RBPJ: variants seen among roughly 807,000 people sequenced by gnomAD.
RBPJ encodes the protein recombination signal binding protein for immunoglobulin kappa J region, also known as recombining binding protein suppressor of hairless.
RBPJ carries 9 observed loss-of-function variants against 67.8 expected under a neutral mutation model. The observed-to-expected ratio is 0.13, with a 90% confidence interval of 0.08 to 0.23. RBPJ has a LOEUF of 0.23. Among genes scored for constraint, RBPJ ranks in the 10% least tolerant of loss-of-function variants. The probability of loss-of-function intolerance (pLI) is 1.00; values close to 1 mark genes in which losing one functional copy is unlikely to be tolerated. For synonymous variants in RBPJ, 198 were observed against 203.3 expected, an observed-to-expected ratio of 0.97 and a Z score of 0.22; for missense variants, 305 against 595.6, an observed-to-expected ratio of 0.51 and a Z score of 5.08.
chr4:26,169,638 A>T (rs571598792), intron 1 of RBPJ, among the ~76,000 whole-genome samples: 2 of 152,314 alleles, frequency 1.3e-5, no homozygotes, highest in Non-Finnish European at 2.9e-5. Context: ...TGCAGAGGTT[A>T]CTGCTGTCTT....
At chr4:26,166,095 A>C (rs1375363701) in intron 1 of RBPJ, among the ~76,000 whole-genome samples, 3 of 146,548 alleles carry the variant, frequency 2.0e-5, no homozygotes, top group Non-Finnish European at 4.5e-5. Context: ...TATGTGCCAC[A>C]TTTTCTTAAT....
chr4:26,361,551 T>C (rs1392068714), intron 1 of RBPJ, among the ~76,000 whole-genome samples: 2 of 152,094 alleles, frequency 1.3e-5, no homozygotes, highest in Admixed American at 1.3e-4. Flanking sequence ...GCTGTTTTCA[T>C]CTACGTCTTT....
At chr4:26,142,462 C>A in the RBPJ span, among the ~76,000 whole-genome samples, 2 of 152,076 alleles carry the variant, frequency 1.3e-5, no homozygotes, top group Non-Finnish European at 2.9e-5. Context: ...AGGAAGGTGG[C>A]GGCTTAACAG....
chr4:26,345,539 A>G (rs1003476402), intron 1 of RBPJ, among the ~76,000 whole-genome samples: 2 of 152,220 alleles, frequency 1.3e-5, no homozygotes, highest in Non-Finnish European at 2.9e-5. Flanking sequence ...ACAGAATATG[A>G]TGTAAATATT....
Position 26,432,294 on chromosome 4 carries a change from A to G in RBPJ, c.*1287A>G, listed in dbSNP as rs762848010. 1 of 152,246 alleles carries G rather than the reference A, an allele frequency of 6.6e-6. No individual in the cohort carries two copies. Among genetic ancestry groups the G allele is most frequent in the East Asian group, 1.9e-4 (1 of 5,204 alleles). The allele number at this position is 152,246 out of a possible 1,614,324, so 9.4% of individuals were successfully genotyped here. On this transcript the variant is annotated 3_prime_UTR_variant, in exon 11 of 11. Coordinates refer to ENST00000355476, the MANE Select transcript of RBPJ (RefSeq NM_015874.6). ...CATCATTGTAATCTTAAAACATAAG[A>G]TGCTTTTATTAGATGATCAACTAAA...
intron 1 of RBPJ, among the ~76,000 whole-genome samples, chr4:26,285,863 A>G (rs1224014485): frequency 6.6e-6 from 1 of 152,200 alleles, no homozygotes; most frequent in Non-Finnish European, 1.5e-5. Flanking sequence ...ATTGTTGGAT[A>G]TATGAGTGAA....
At chr4:26,224,724 A>G (rs541929254) in intron 1 of RBPJ, among the ~76,000 whole-genome samples, 1 of 152,358 alleles carries the variant, frequency 6.6e-6, no homozygotes, top group South Asian at 2.1e-4. Flanking sequence ...TGGTGTTAGC[A>G]TGCAGTAGTT....
chr4:26,353,736 G>T (rs1727050478), intron 1 of RBPJ, among the ~76,000 whole-genome samples: 3 of 151,056 alleles, frequency 2.0e-5, no homozygotes. Context: ...AGCCTCCCGA[G>T]TAGCTGGGAT....
At chr4:26,125,986 C>A in the RBPJ span, among the ~76,000 whole-genome samples, 8 of 152,160 alleles carry the variant, frequency 5.3e-5, no homozygotes, top group Non-Finnish European at 1.2e-4. Context: ...CTGTCACACA[C>A]AATGTGTATG....
At chr4:26,250,328 C>CTTTTTT (rs869105820) in intron 1 of RBPJ, among the ~76,000 whole-genome samples, 3 of 120,680 alleles carry the variant, frequency 2.5e-5, no homozygotes, top group African/African-American at 3.1e-5. Context: ...GACTCCATTC[C>CTTTTTT]TTTTTTTTTT....
At chr4:26,399,268 G>A (rs1244894836) in intron 2 of RBPJ, among the ~76,000 whole-genome samples, 1 of 152,104 alleles carries the variant, frequency 6.6e-6, no homozygotes, top group Admixed American at 6.6e-5. Flanking sequence ...TGAACTAATT[G>A]TCAAATTTAT....
chr4:26,190,320 G>A (rs1178879925), intron 1 of RBPJ, among the ~76,000 whole-genome samples: 3 of 152,160 alleles, frequency 2.0e-5, no homozygotes, highest in Non-Finnish European at 4.4e-5. Flanking sequence ...AACTTCTAAG[G>A]CAAAACCTGG....
chr4:26,232,820 G>T (rs1983229), intron 1 of RBPJ, among the ~76,000 whole-genome samples: 23,859 of 152,126 alleles, frequency 0.16, 2,063 homozygotes, highest in Non-Finnish European at 0.2. Context: ...TCCCTCATTT[G>T]TAAATCATGA....
At chr4:26,416,394 C>A (rs1341592322) in intron 4 of RBPJ, among the ~76,000 whole-genome samples, 1 of 151,978 alleles carries the variant, frequency 6.6e-6, no homozygotes, top group African/African-American at 2.4e-5. Context: ...GTCCAGCTAA[C>A]TTTTTTGTAT....
intron 1 of RBPJ, among the ~76,000 whole-genome samples, chr4:26,372,373 T>C (rs1729243183): frequency 6.6e-6 from 1 of 152,180 alleles, no homozygotes; most frequent in Non-Finnish European, 1.5e-5. Flanking sequence ...TATTAAGAAT[T>C]AAATAGCTAC....
chr4:26,257,393 G>A (rs1233638063), intron 1 of RBPJ, among the ~76,000 whole-genome samples: 1 of 152,234 alleles, frequency 6.6e-6, no homozygotes, highest in East Asian at 1.9e-4. Context: ...ACTTTGGGAG[G>A]CCAGGGCAGG....
intron 1 of RBPJ, among the ~76,000 whole-genome samples, chr4:26,223,864 T>A (rs917710268): frequency 1.3e-5 from 2 of 152,174 alleles, no homozygotes; most frequent in Non-Finnish European, 2.9e-5. Flanking sequence ...CATCACATTA[T>A]CATAATAAGA....
chr4:26,160,474 T>C (rs748037850), upstream of RBPJ, among the ~76,000 whole-genome samples: 3 of 152,232 alleles, frequency 2.0e-5, no homozygotes, highest in Non-Finnish European at 2.9e-5. Flanking sequence ...TCTTTTTTTA[T>C]GCAATGTCCC....
At chr4:26,417,723 C>G (rs1402273260) in intron 4 of RBPJ, among the ~76,000 whole-genome samples, 1 of 152,174 alleles carries the variant, frequency 6.6e-6, no homozygotes, top group Non-Finnish European at 1.5e-5. Context: ...GCAGCGGATT[C>G]TGAGCTTCAG....
Sources: allele counts gnomAD v4.1 joint callset (sites outside exome capture counted in the v4.1 genomes callset), GRCh38; gene constraint gnomAD v4.1.1; transcripts MANE v1.5; gene names NCBI Gene and HGNC (gene_info 2026-07-23, HGNC 2026-07-21).